Variants in BIRC2 observed in about 807,000 individuals in gnomAD.
The protein encoded by BIRC2 is baculoviral IAP repeat-containing protein 2.
In BIRC2, 18 loss-of-function variants were observed where a neutral mutation model predicts 60.9. That is an observed-to-expected ratio of 0.30 (90% confidence interval 0.20 to 0.44). BIRC2 has a LOEUF of 0.44. BIRC2 is among the 20% of genes least tolerant of loss of function. BIRC2 has a pLI of 1.00. For synonymous variants in BIRC2, 282 were observed against 247.7 expected (o/e 1.14, Z -1.30); for missense variants, 701 against 728.5 (o/e 0.96, Z 0.43).
intron 4 of BIRC2, 44 bp from the exon 5 acceptor site, chr11:102,363,624 G>A (rs1951509954): frequency 5.5e-6 from 8 of 1,450,276 alleles, no homozygotes; most frequent in Non-Finnish European, 7.7e-6. Flanking sequence ...TCAGATTGTT[G>A]GGGATATCTG....
At chr11:102,357,928 G>T (rs976891943) in intron 3 of BIRC2, among the ~76,000 whole-genome samples, 1 of 151,714 alleles carries the variant, frequency 6.6e-6, no homozygotes, top group Non-Finnish European at 1.5e-5. Context: ...TTGCTATGTC[G>T]CATTTCAATT....
intron 3 of BIRC2, among the ~76,000 whole-genome samples, chr11:102,352,797 A>G (rs1951379216): frequency 1.3e-5 from 2 of 152,228 alleles, no homozygotes; most frequent in Admixed American, 6.5e-5. Context: ...GGAATCATAC[A>G]TCACAGATTA....
chr11:102,378,271 A>G lies in BIRC2; in HGVS notation c.*88A>G. Reference sequence around the variant, plus strand: ...AGCCATCTAAAGTAAAAAGGGAATTATGAGTTTTTCAATTAGTAACATTCA... The same window carrying G: ...AGCCATCTAAAGTAAAAAGGGAATTGTGAGTTTTTCAATTAGTAACATTCA... On this transcript the variant is annotated 3_prime_UTR_variant, in exon 9 of 9. Transcript: ENST00000227758. 3 of 1,104,268 alleles carry G rather than the reference A, an allele frequency of 2.7e-6. No individual in the cohort carries two copies. Among genetic ancestry groups the G allele is most frequent in the African/African-American group, 1.6e-5 (1 of 62,304 alleles). 68.4% of individuals were successfully genotyped at this position (1,104,268 alleles called of 1,614,324 possible). A position where few individuals can be genotyped will look rare whatever the true frequency, so the allele number is the denominator to read the frequency against.
At chr11:102,361,232 G>A (rs181295633) in intron 3 of BIRC2, among the ~76,000 whole-genome samples, 32 of 152,200 alleles carry the variant, frequency 2.1e-4, no homozygotes, top group African/African-American at 6.3e-4. Flanking sequence ...ATGTTGACTA[G>A]CCTGCAGCAG....
At position 102,368,431 on chromosome 11, in the gene BIRC2, A is replaced by G. The variant is rs754715751; in HGVS notation, c.1249A>G (p.Ile417Val). 1 of 1,614,092 alleles carries G rather than the reference A, an allele frequency of 6.2e-7. No homozygotes were observed. Among genetic ancestry groups the G allele is most frequent in the Non-Finnish European group, 8.5e-7 (1 of 1,179,990 alleles). The change falls in exon 6 of 9, where the codon ATC becomes GTC. Residue 417 changes from isoleucine to valine, a missense_variant. Coordinates refer to ENST00000227758, the MANE Select transcript of BIRC2 (RefSeq NM_001166.5). ...DLVKQTVQSK[I>V]LTTGENYKTV... ...GGTGAAACAAACAGTTCAAAGTAAA[A>G]TCCTGACAACTGGAGAGAACTATAA... is the stretch of plus-strand genomic sequence containing the variant.
intron 3 of BIRC2, among the ~76,000 whole-genome samples, chr11:102,353,351 T>C (rs1229661359): frequency 6.6e-6 from 1 of 152,188 alleles, no homozygotes; most frequent in Non-Finnish European, 1.5e-5. Flanking sequence ...TTTGAGACAG[T>C]GTCTCATTCC....
chr11:102,354,546 T>C (rs1299844557), intron 3 of BIRC2, among the ~76,000 whole-genome samples: 3 of 152,202 alleles, frequency 2.0e-5, no homozygotes, highest in Non-Finnish European at 4.4e-5. Flanking sequence ...TGTTTCCATA[T>C]AGCTGCTTGA....
At chr11:102,370,241 A>C (rs1348586716) in intron 6 of BIRC2, among the ~76,000 whole-genome samples, 2 of 148,282 alleles carry the variant, frequency 1.3e-5, no homozygotes, top group South Asian at 4.4e-4. Context: ...GTCCTTGCCC[A>C]TGCCTATGTC....
chr11:102,357,927 C>T (rs945175693), intron 3 of BIRC2, among the ~76,000 whole-genome samples: 2 of 151,990 alleles, frequency 1.3e-5, no homozygotes, highest in African/African-American at 4.8e-5. Context: ...TTTGCTATGT[C>T]GCATTTCAAT....
At chr11:102,359,611 C>A (rs1951462780) in intron 3 of BIRC2, among the ~76,000 whole-genome samples, 1 of 152,194 alleles carries the variant, frequency 6.6e-6, no homozygotes, top group African/African-American at 2.4e-5. Flanking sequence ...TGCTGGGATA[C>A]ATATTCTTGT....
At chr11:102,367,652 T>G (rs1168491270) in intron 5 of BIRC2, among the ~76,000 whole-genome samples, 1 of 152,232 alleles carries the variant, frequency 6.6e-6, no homozygotes, top group Non-Finnish European at 1.5e-5. Context: ...TAAAATGACT[T>G]CCTGCTTCCT....
chr11:102,362,653 T>G (rs1951498138), intron 3 of BIRC2: 2 of 361,322 alleles, frequency 5.5e-6, no homozygotes, highest in Non-Finnish European at 5.1e-6. Context: ...GTGCAGACGC[T>G]TTTCTTTTTG....
At chr11:102,376,792 A>G (rs113993875) in intron 6 of BIRC2, among the ~76,000 whole-genome samples, 54 of 152,308 alleles carry the variant, frequency 3.5e-4, no homozygotes, top group African/African-American at 1.2e-3. Context: ...GATGCTTTAC[A>G]TGTATTATTC....
At position 102,350,539 on chromosome 11, in the gene BIRC2, A is replaced by T; in HGVS notation, c.685A>T (p.Asn229Tyr). 6.2e-7 allele frequency: 1 copy of T among 1,614,220 alleles called. No homozygotes were observed. The highest frequency in any genetic ancestry group is 8.5e-7 in the Non-Finnish European group (1 of 1,180,044). The change falls in exon 2 of 9, where the codon AAC becomes TAC. Residue 229 changes from asparagine (N) to tyrosine (Y), a missense_variant. Physicochemically the swap from Asn to Tyr is moderately radical, Grantham distance 143. Transcript: ENST00000227758. ...ACFACGGKLS[N>Y]WEPKDDAMSE... ...CTTTGCCTGTGGTGGGAAGCTCAGT[A>T]ACTGGGAACCAAAGGATGATGCTAT...
At chr11:102,366,613 G>A (rs1417885461) in intron 5 of BIRC2, among the ~76,000 whole-genome samples, 1 of 151,400 alleles carries the variant, frequency 6.6e-6, no homozygotes, top group Non-Finnish European at 1.5e-5. Context: ...CTCATGATCC[G>A]CCCGCCTTGG....
intron 6 of BIRC2, among the ~76,000 whole-genome samples, chr11:102,371,595 C>T (rs1483140159): frequency 2.7e-5 from 4 of 147,826 alleles, no homozygotes; most frequent in African/African-American, 1.0e-4. Context: ...ATTTTTGCAT[C>T]AATGTTCATC....
chr11:102,357,591 A>G (rs555067932), intron 3 of BIRC2, among the ~76,000 whole-genome samples: 5 of 152,266 alleles, frequency 3.3e-5, no homozygotes, highest in African/African-American at 9.6e-5. Flanking sequence ...ATAATTGTTC[A>G]TGGTAGTCTC....
At chr11:102,357,697 T>G (rs1291167211) in intron 3 of BIRC2, among the ~76,000 whole-genome samples, 1 of 152,098 alleles carries the variant, frequency 6.6e-6, no homozygotes, top group Non-Finnish European at 1.5e-5. Context: ...AAACTAAAGC[T>G]TTGTTGATTT....
chr11:102,366,479 G>T (rs1459503550), intron 5 of BIRC2, among the ~76,000 whole-genome samples: 2 of 151,496 alleles, frequency 1.3e-5, no homozygotes, highest in African/African-American at 4.9e-5. Context: ...CCATTCTCTT[G>T]CCTCAGCCTC....
Sources: allele counts gnomAD v4.1 joint callset (sites outside exome capture counted in the v4.1 genomes callset), GRCh38; gene constraint gnomAD v4.1.1; transcripts MANE v1.5; gene names NCBI Gene and HGNC (gene_info 2026-07-23, HGNC 2026-07-21).